The following CD164 variants were observed in gnomAD, a reference collection of about 807,000 sequenced individuals.
The protein encoded by CD164 is CD164 molecule.
CD164 carries 11 observed loss-of-function variants against 24.6 expected under a neutral mutation model. The ratio of observed to expected loss-of-function variants is 0.45; its 90% CI spans 0.28 to 0.74. CD164 has a LOEUF of 0.74. Among genes scored for constraint, CD164 ranks in the 30% least tolerant of loss-of-function variants. The pLI, the probability that CD164 is intolerant of heterozygous loss-of-function variation, is 0.13. For synonymous variants in CD164, 126 were observed against 100.3 expected (o/e 1.26, Z -1.53); for missense variants, 295 against 243.7 (o/e 1.21, Z -1.40).
rs138925698 is a variant in CD164, at chr6:109,382,321, C to A, written c.58G>T (p.Val20Leu). ...WAATCLGVLC[V>L]LSADKNTTQH... Reference sequence around the variant, plus strand: ...GTCGTGTTCTTGTCCGCGGACAGCACGCAGAGCACGCCCAGGCAGGTGGCG... The same window carrying A: ...GTCGTGTTCTTGTCCGCGGACAGCAAGCAGAGCACGCCCAGGCAGGTGGCG... The change falls in exon 1 of 6, where the codon GTG (valine) becomes TTG (leucine). Residue 20 changes from valine (V) to leucine (L), a missense_variant. Transcript: ENST00000310786. The A allele has an allele frequency of 6.5e-5, 103 of 1,574,642 alleles. No individual in the cohort carries two copies. The African/African-American group carries it at 1.1e-3, about 17-fold the overall frequency.
chr6:109,372,076 AC>A (rs142940762), intron 4 of CD164: 46 of 152,328 alleles, frequency 3.0e-4, no homozygotes, highest in African/African-American at 1.1e-3. Context: ...GATATGCTTA[AC>A]CCACGAAAGA....
At chr6:109,381,122 CTAA>C (rs1169533484) in intron 1 of CD164, among the ~76,000 whole-genome samples, 1 of 152,246 alleles carries the variant, frequency 6.6e-6, no homozygotes, top group African/African-American at 2.4e-5. Flanking sequence ...TACTCCTTAA[CTAA>C]TGTTAACTAG....
At position 109,379,567 on chromosome 6, in the gene CD164, A is replaced by G; in HGVS notation, c.259+12T>C. On this transcript the variant is annotated intron_variant, in intron 2 of 5. Coordinates refer to ENST00000310786, the MANE Select transcript of CD164 (RefSeq NM_006016.6). ...TATAACAAAACAGTTTTGCATCCCCAAAGTTTCTTACCTTTACATTCTATC... is the reference window on the plus strand; with the variant it reads ...TATAACAAAACAGTTTTGCATCCCCGAAGTTTCTTACCTTTACATTCTATC... 4 of 1,590,748 alleles carry G rather than the reference A, an allele frequency of 2.5e-6. No individual in the cohort carries two copies. Among genetic ancestry groups the G allele is most frequent in the South Asian group, 1.1e-5 (1 of 87,356 alleles).
At chr6:109,369,046 T>C (rs1365116982) in intron 5 of CD164, 29 bp from the exon 6 acceptor site, 3 of 1,589,636 alleles carry the variant, frequency 1.9e-6, no homozygotes, top group Non-Finnish European at 1.7e-6. Context: ...GAAACAACAA[T>C]CCTAAGTTTC....
intron 2 of CD164, 71 bp downstream of exon 2, chr6:109,379,508 T>C (rs1241914679): frequency 1.8e-6 from 2 of 1,120,130 alleles, no homozygotes; most frequent in Admixed American, 2.0e-5. Context: ...TACATAACTT[T>C]CAAGTGTTCA....
At chr6:109,374,957 G>A (rs990049453) in intron 4 of CD164, among the ~76,000 whole-genome samples, 1 of 152,124 alleles carries the variant, frequency 6.6e-6, no homozygotes, top group African/African-American at 2.4e-5. Context: ...ACAAAATGCT[G>A]GCTTAACCCT....
intron 2 of CD164, 109 bp from the exon 3 acceptor site, chr6:109,378,080 G>C (rs184774511): frequency 3.7e-5 from 32 of 874,238 alleles, no homozygotes; most frequent in Non-Finnish European, 5.6e-5. Flanking sequence ...TTTAGAAGTG[G>C]GCAGGGGGAA....
chr6:109,371,478 G>C (rs1182466148), intron 4 of CD164: 1 of 153,764 alleles, frequency 6.5e-6, no homozygotes, highest in Non-Finnish European at 1.5e-5. Flanking sequence ...TTGAACTCCT[G>C]ACCTCAAGTG....
At chr6:109,376,989 T>C (rs1463517562) in intron 3 of CD164, among the ~76,000 whole-genome samples, 1 of 151,974 alleles carries the variant, frequency 6.6e-6, no homozygotes, top group Non-Finnish European at 1.5e-5. Flanking sequence ...ATTTTTAAAT[T>C]AGCCAGCTAT....
intron 4 of CD164, among the ~76,000 whole-genome samples, chr6:109,375,617 C>CAAAAAA (rs58138405): frequency 5.9e-4 from 42 of 71,342 alleles, no homozygotes; most frequent in East Asian, 9.0e-4. Flanking sequence ...ACTTCGCTTC[C>CAAAAAA]AAAAAAAAAA....
Position 109,376,112 on chromosome 6 carries a change from A to G in CD164, c.332T>C (p.Val111Ala). The G allele has an allele frequency of 6.4e-7, 1 of 1,564,886 alleles. No individual in the cohort carries two copies. Among genetic ancestry groups the G allele is most frequent in the Non-Finnish European group, 8.6e-7 (1 of 1,166,896 alleles). ...QVGNTTDFCS[V>A]STATPVPTAN... ...TGTTGGCACTGGAGTGGCCGTGGAA[A>G]CTATTAAAAAAAGAAAAAAGAAAAA... Residue 111 changes from valine to alanine, a missense_variant and splice_region_variant, in exon 4 of 6, where the codon GTT (valine) becomes GCT (alanine). Transcript: ENST00000310786.
At chr6:109,370,350 T>C in intron 5 of CD164, 61 bp downstream of exon 5, 1 of 1,338,716 alleles carries the variant, frequency 7.5e-7, no homozygotes, top group South Asian at 1.2e-5. Flanking sequence ...TGGCAGAAAT[T>C]GTAAAGGGCA....
At chr6:109,381,775 G>A (rs1027346707) in intron 1 of CD164, 3 of 573,638 alleles carry the variant, frequency 5.2e-6, no homozygotes, top group African/African-American at 1.9e-5. Context: ...CGCCGGGAGG[G>A]TGAACAACCA....
At chr6:109,373,102 C>CT (rs1399781389) in intron 4 of CD164, among the ~76,000 whole-genome samples, 1 of 151,734 alleles carries the variant, frequency 6.6e-6, no homozygotes, top group Non-Finnish European at 1.5e-5. Context: ...GTAAGAAAAT[C>CT]TAGAAAATGC....
At chr6:109,371,150 G>A (rs1478039279) in intron 4 of CD164, 1 of 152,276 alleles carries the variant, frequency 6.6e-6, no homozygotes, top group African/African-American at 2.4e-5. Flanking sequence ...GGCAAGAACT[G>A]CAATTACTTT....
At position 109,369,014 on chromosome 6, in the gene CD164, G is replaced by T. The variant is rs1288024282; in HGVS notation, c.431C>A (p.Thr144Lys). 1 of 1,609,320 alleles carries T rather than the reference G, an allele frequency of 6.2e-7. No homozygotes were observed. Among genetic ancestry groups the T allele is most frequent in the Non-Finnish European group, 8.5e-7 (1 of 1,178,336 alleles). ...TTSKTVTTSG[T>K]TNNTVTPTSQ... ...GGTTGGAGTCACAGTGTTATTTGTTGTACCTGTTAGATAAGACAAAAGAAA... is the reference window on the plus strand; with the variant it reads ...GGTTGGAGTCACAGTGTTATTTGTTTTACCTGTTAGATAAGACAAAAGAAA... The change falls in exon 6 of 6, where the codon ACA becomes AAA. Residue 144 changes from threonine to lysine, a missense_variant. By Grantham distance (78) the Thr-to-Lys change is moderately conservative (BLOSUM62 -1). Transcript: ENST00000310786.
At chr6:109,382,160 G>C in intron 1 of CD164, 44 bp downstream of exon 1, 2 of 1,437,498 alleles carry the variant, frequency 1.4e-6, no homozygotes, top group African/African-American at 1.5e-5. Flanking sequence ...AGTGCGGCTC[G>C]GCTGGGCAGG....
intron 1 of CD164, chr6:109,381,582 G>C (rs764149198): frequency 1.4e-6 from 1 of 702,528 alleles, no homozygotes; most frequent in Non-Finnish European, 2.6e-6. Flanking sequence ...CGCATACTTT[G>C]AAGTGTGAAG....
At chr6:109,374,762 T>C (rs1195923785) in intron 4 of CD164, among the ~76,000 whole-genome samples, 4 of 152,176 alleles carry the variant, frequency 2.6e-5, no homozygotes. Context: ...GAACTCACCG[T>C]ACTACTTCAC....
Sources: allele counts gnomAD v4.1 joint callset (sites outside exome capture counted in the v4.1 genomes callset), GRCh38; gene constraint gnomAD v4.1.1; transcripts MANE v1.5; gene names NCBI Gene and HGNC (gene_info 2026-07-23, HGNC 2026-07-21).